Variants in KLF12 observed in about 807,000 individuals in gnomAD.
KLF12 encodes KLF transcription factor 12.
Under a neutral mutation model 37.8 loss-of-function variants are expected in KLF12, and 9 were observed. The observed-to-expected ratio is 0.24, with a 90% confidence interval of 0.14 to 0.42. The LOEUF is 0.42. Ranked by LOEUF, KLF12 falls within the 10% of genes least tolerant of loss-of-function variation. The probability of loss-of-function intolerance (pLI) is 1.00; values close to 1 mark genes in which losing one functional copy is unlikely to be tolerated. For synonymous variants in KLF12, 208 were observed against 202.1 expected (o/e 1.03, Z -0.25); for missense variants, 411 against 516.0 (o/e 0.80, Z 1.97).
chr13:74,034,926 T>C (rs1372696512), intron 1 of KLF12, among the ~76,000 whole-genome samples: 1 of 152,240 alleles, frequency 6.6e-6, no homozygotes, highest in Non-Finnish European at 1.5e-5. Flanking sequence ...CATATACCTC[T>C]GTTCTGATTT....
the KLF12 span, among the ~76,000 whole-genome samples, chr13:74,175,795 C>T: frequency 1.3e-5 from 2 of 152,188 alleles, no homozygotes; most frequent in African/African-American, 4.8e-5. Context: ...ACTTGTGGCT[C>T]AGCCTGAGCC....
At chr13:74,260,500 G>T in the KLF12 span, among the ~76,000 whole-genome samples, 1 of 151,024 alleles carries the variant, frequency 6.6e-6, no homozygotes, top group South Asian at 2.1e-4. Flanking sequence ...GTTATAGTGA[G>T]CTATGATTGC....
the KLF12 span, among the ~76,000 whole-genome samples, chr13:74,201,804 C>T: frequency 2.0e-5 from 3 of 152,144 alleles, no homozygotes; most frequent in African/African-American, 4.8e-5. Context: ...CCTGGCAAGT[C>T]AGACAATTCA....
At chr13:74,192,098 C>A in the KLF12 span, among the ~76,000 whole-genome samples, 2 of 151,946 alleles carry the variant, frequency 1.3e-5, no homozygotes, top group Non-Finnish European at 2.9e-5. Context: ...CTGATGAGCT[C>A]TTTGAGAAAT....
intron 4 of KLF12, among the ~76,000 whole-genome samples, chr13:73,816,998 A>T (rs1383463829): frequency 6.6e-6 from 1 of 152,142 alleles, no homozygotes; most frequent in African/African-American, 2.4e-5. Flanking sequence ...TTTCTGACTC[A>T]CAGAATTTGA....
At chr13:74,080,007 G>T (rs1458888424) in intron 1 of KLF12, among the ~76,000 whole-genome samples, 1 of 152,136 alleles carries the variant, frequency 6.6e-6, no homozygotes, top group African/African-American at 2.4e-5. Flanking sequence ...CACAAAATGT[G>T]GTAGACACAT....
chr13:73,807,686 T>C (rs1882719518), intron 5 of KLF12, among the ~76,000 whole-genome samples: 1 of 152,200 alleles, frequency 6.6e-6, no homozygotes, highest in Non-Finnish European at 1.5e-5. Flanking sequence ...AGACTACTAC[T>C]AAGCTATGGA....
chr13:73,699,250 T>C (rs1290272353), intron 7 of KLF12, among the ~76,000 whole-genome samples: 2 of 131,784 alleles, frequency 1.5e-5, no homozygotes, highest in Non-Finnish European at 3.1e-5. Flanking sequence ...CCAGGTGCAG[T>C]GGCTCACATC....
the KLF12 span, among the ~76,000 whole-genome samples, chr13:74,157,405 T>C: frequency 6.6e-6 from 1 of 152,192 alleles, no homozygotes; most frequent in African/African-American, 2.4e-5. Flanking sequence ...ATGTAACTGA[T>C]CAAGAGCTGA....
At chr13:73,935,088 T>A (rs990468028) in intron 3 of KLF12, among the ~76,000 whole-genome samples, 2 of 152,010 alleles carry the variant, frequency 1.3e-5, no homozygotes, top group African/African-American at 4.8e-5. Context: ...CAAGTGAGTC[T>A]CCTGCCTCAG....
intron 2 of KLF12, among the ~76,000 whole-genome samples, chr13:73,970,476 C>T (rs1457457742): frequency 1.3e-5 from 2 of 152,078 alleles, no homozygotes; most frequent in African/African-American, 2.4e-5. Context: ...AGAGTTCTGA[C>T]TTCCTGGGAT....
the KLF12 span, among the ~76,000 whole-genome samples, chr13:74,265,661 A>C: frequency 1.3e-5 from 2 of 152,222 alleles, no homozygotes; most frequent in Non-Finnish European, 2.9e-5. Context: ...ACCCAAGCCC[A>C]TCTCACTGTA....
At chr13:73,955,273 T>A (rs9318231) in intron 2 of KLF12, among the ~76,000 whole-genome samples, 3 of 152,044 alleles carry the variant, frequency 2.0e-5, no homozygotes, top group African/African-American at 7.3e-5. Flanking sequence ...CTGATTTTCT[T>A]TGACTCTTTG....
chr13:74,275,834 CTT>C, the KLF12 span, among the ~76,000 whole-genome samples: 2 of 113,354 alleles, frequency 1.8e-5, no homozygotes, highest in Non-Finnish European at 3.6e-5. Context: ...TTCTTTCTTT[CTT>C]TCTTTCTTTC....
intron 1 of KLF12, among the ~76,000 whole-genome samples, chr13:74,084,072 T>C (rs954880481): frequency 6.6e-6 from 1 of 152,230 alleles, no homozygotes; most frequent in Admixed American, 6.5e-5. Flanking sequence ...TCTATTTTAA[T>C]GTTACCGAAC....
At chr13:73,774,281 TATACAC>T (rs1367435167) in intron 5 of KLF12, among the ~76,000 whole-genome samples, 3 of 122,036 alleles carry the variant, frequency 2.5e-5, no homozygotes, top group African/African-American at 8.3e-5. Context: ...ACTATATATA[TATACAC>T]ACACACACAC....
Position 74,116,956 on chromosome 13 carries a change from G to T in KLF12, c.-32+16783C>A, listed in dbSNP as rs544837604. Among the ~76,000 whole-genome samples, 24 of 152,108 alleles carry T rather than the reference G, an allele frequency of 1.6e-4. No homozygotes were observed. In the South Asian group the frequency reaches 5.0e-3, roughly 32 times the overall value. On this transcript the variant is annotated intron_variant, in intron 1 of 7. Coordinates refer to ENST00000377669, the MANE Select transcript of KLF12 (RefSeq NM_007249.5). ...AAAAATGTCAATCAACTTGCTGCAA[G>T]ATTTGGTAAAAAATCTATTTTCTCT...
chr13:74,235,726 C>T, the KLF12 span, among the ~76,000 whole-genome samples: 1 of 152,080 alleles, frequency 6.6e-6, no homozygotes, highest in Non-Finnish European at 1.5e-5. Context: ...AAGACATATC[C>T]AGAAAGTAGA....
At chr13:74,135,424 C>T (rs1689677230), upstream of KLF12, among the ~76,000 whole-genome samples, 1 of 151,944 alleles carries the variant, frequency 6.6e-6, no homozygotes, top group South Asian at 2.1e-4. Context: ...CCCCGGCAGC[C>T]CCTCCCTCCC....
Sources: allele counts gnomAD v4.1 joint callset (sites outside exome capture counted in the v4.1 genomes callset), GRCh38; gene constraint gnomAD v4.1.1; transcripts MANE v1.5; gene names NCBI Gene and HGNC (gene_info 2026-07-23, HGNC 2026-07-21).